Variants in ATP8A2 observed in about 807,000 individuals in gnomAD.
ATP8A2 encodes phospholipid-transporting ATPase IB.
A neutral mutation model predicts 165.6 loss-of-function variants in ATP8A2; 100 were observed. The observed-to-expected ratio is 0.60, with a 90% CI of 0.51 to 0.71. The LOEUF (loss-of-function observed/expected upper bound fraction) is 0.71, where lower values mean the gene tolerates loss of function less well. ATP8A2 is among the 30% of genes least tolerant of loss of function. ATP8A2 has a pLI of 0.00. For missense variants in ATP8A2, 1,227 were observed against 1,479.5 expected (o/e 0.83, Z 2.80); for synonymous variants, 543 against 548.8 (o/e 0.99, Z 0.15).
chr13:25,731,809 G>GTCCC (rs1254820840), intron 25 of ATP8A2, among the ~76,000 whole-genome samples: 1 of 152,226 alleles, frequency 6.6e-6, no homozygotes, highest in Non-Finnish European at 1.5e-5. Context: ...AAAATCCATT[G>GTCCC]TAACAGGGCA....
At chr13:26,008,931 A>C (rs1016886216) in intron 35 of ATP8A2, among the ~76,000 whole-genome samples, 1 of 152,246 alleles carries the variant, frequency 6.6e-6, no homozygotes, top group African/African-American at 2.4e-5. Flanking sequence ...AAACCAAAAA[A>C]TAAAAGCAAA....
intron 33 of ATP8A2, among the ~76,000 whole-genome samples, chr13:25,930,721 C>T (rs1954749375): frequency 6.6e-6 from 1 of 152,090 alleles, no homozygotes; most frequent in African/African-American, 2.4e-5. Context: ...TCACACATAA[C>T]ATGGGCTCAA....
chr13:25,839,721 A>C (rs891304811), intron 30 of ATP8A2, 97 bp downstream of exon 30: 4 of 944,126 alleles, frequency 4.2e-6, no homozygotes, highest in African/African-American at 3.3e-5. Context: ...GCAGAACAAG[A>C]GATCACAGGA....
rs535558953 is a variant in ATP8A2, at chr13:25,949,377, G to A, written c.3184-12198G>A. On this transcript the variant is annotated intron_variant, in intron 33 of 36. Transcript: ENST00000381655. ...TATCAGTATCTGTCCTAAATACTGC[G>A]CGTTGACATTGACGCTAATAGTCTG... Among the ~76,000 whole-genome samples the A allele has an allele frequency of 6.2e-4, 94 of 152,300 alleles. 1 individual carries two copies. In the South Asian group the frequency reaches 0.013, roughly 22 times the overall value.
At chr13:25,432,051 T>C (rs1289005657) in intron 1 of ATP8A2, among the ~76,000 whole-genome samples, 1 of 152,242 alleles carries the variant, frequency 6.6e-6, no homozygotes, top group Non-Finnish European at 1.5e-5. Flanking sequence ...ATCTGTGTAG[T>C]AGCTTGAATT....
intron 30 of ATP8A2, among the ~76,000 whole-genome samples, chr13:25,840,318 T>C (rs1951722954): frequency 6.6e-6 from 1 of 152,130 alleles, no homozygotes; most frequent in Admixed American, 6.5e-5. Context: ...CTGGGAAAAA[T>C]TACTCCAAAT....
At chr13:25,874,216 C>A (rs1025285853) in intron 33 of ATP8A2, among the ~76,000 whole-genome samples, 2 of 152,090 alleles carry the variant, frequency 1.3e-5, no homozygotes, top group Admixed American at 1.3e-4. Flanking sequence ...TTATGCTCTC[C>A]CTCACCTCAT....
At chr13:25,733,319 A>G (rs9511904) in intron 25 of ATP8A2, among the ~76,000 whole-genome samples, 72,008 of 151,946 alleles carry the variant, frequency 0.47, 17,224 homozygotes, top group East Asian at 0.58. Context: ...GTAGGATTGG[A>G]AAACAGTGAA....
intron 30 of ATP8A2, among the ~76,000 whole-genome samples, chr13:25,848,888 T>G (rs368055719): frequency 5.3e-5 from 8 of 152,266 alleles, no homozygotes; most frequent in Admixed American, 2.0e-4. Context: ...TCTGAAAGTT[T>G]GTAATTTAGC....
rs1168497822 is a variant in ATP8A2, at chr13:25,487,140, CA to C, written c.221+18022del. On this transcript the variant is annotated intron_variant, in intron 2 of 36. Coordinates refer to ENST00000381655, the MANE Select transcript of ATP8A2 (RefSeq NM_016529.6). ...AGGTTTATGTTCTCCATAAAATTCT[CA>C]AATACAATTTTGCGGAGTCTTTGCA... 3.9e-5 allele frequency among the ~76,000 whole-genome samples: 6 copies of C among 152,270 alleles called. No homozygotes were observed. In the South Asian group the frequency reaches 8.3e-4, roughly 21 times the overall value.
chr13:25,448,132 C>G (rs375923746), intron 1 of ATP8A2, among the ~76,000 whole-genome samples: 4 of 152,148 alleles, frequency 2.6e-5, no homozygotes, highest in African/African-American at 9.7e-5. Flanking sequence ...AGGGTGGAAC[C>G]CTTGCCAGGG....
At chr13:25,452,029 A>AT (rs556018994) in intron 1 of ATP8A2, among the ~76,000 whole-genome samples, 1 of 151,546 alleles carries the variant, frequency 6.6e-6, no homozygotes, top group Admixed American at 6.6e-5. Context: ...TATTTTTTGT[A>AT]TTTTTAGTAG....
chr13:25,529,962 C>A, intron 2 of ATP8A2, 37 bp from the exon 3 acceptor site: 1 of 1,194,028 alleles, frequency 8.4e-7, no homozygotes, highest in South Asian at 1.3e-5. Context: ...GAGTTTACAT[C>A]TATAACTGAT....
chr13:25,621,362 G>C (rs369537009), intron 24 of ATP8A2, among the ~76,000 whole-genome samples: 1 of 152,266 alleles, frequency 6.6e-6, no homozygotes, highest in African/African-American at 2.4e-5. Flanking sequence ...GATATGTTCT[G>C]TTTCTGATTT....
intron 24 of ATP8A2, among the ~76,000 whole-genome samples, chr13:25,698,422 G>T (rs1156883728): frequency 1.3e-5 from 2 of 151,960 alleles, no homozygotes. Flanking sequence ...TCGTAGAGAC[G>T]GGGTTTCTCT....
At chr13:25,890,107 A>G (rs1953310998) in intron 33 of ATP8A2, among the ~76,000 whole-genome samples, 1 of 152,120 alleles carries the variant, frequency 6.6e-6, no homozygotes, top group South Asian at 2.1e-4. Context: ...GGTTGCAGTG[A>G]GCCGAGATCG....
intron 1 of ATP8A2, among the ~76,000 whole-genome samples, chr13:25,420,248 C>A (rs2034260996): frequency 6.6e-6 from 1 of 152,092 alleles, no homozygotes; most frequent in Non-Finnish European, 1.5e-5. Context: ...TTTTAAAAAA[C>A]CACTTGAAAA....
At chr13:25,451,897 C>T (rs942688546) in intron 1 of ATP8A2, among the ~76,000 whole-genome samples, 9 of 151,456 alleles carry the variant, frequency 5.9e-5, no homozygotes, top group Non-Finnish European at 1.2e-4. Context: ...CTCTTTTGCC[C>T]AGGCTGGAGT....
chr13:25,582,012 G>A (rs1423178718), intron 23 of ATP8A2, 55 bp downstream of exon 23: 2 of 1,506,320 alleles, frequency 1.3e-6, no homozygotes, highest in Middle Eastern at 3.7e-4. Context: ...TGTTTTTCAA[G>A]TATCTTTTAA....
Sources: allele counts gnomAD v4.1 joint callset (sites outside exome capture counted in the v4.1 genomes callset), GRCh38; gene constraint gnomAD v4.1.1; transcripts MANE v1.5; gene names NCBI Gene and HGNC (gene_info 2026-07-23, HGNC 2026-07-21).